Variants in CDYL observed in about 807,000 individuals in gnomAD.
The protein encoded by CDYL is chromodomain Y like.
Under a neutral mutation model 47.3 loss-of-function variants are expected in CDYL, and 8 were observed. That is an observed-to-expected ratio of 0.17 (90% confidence interval 0.10 to 0.31). CDYL has a LOEUF of 0.31. Among genes scored for constraint, CDYL ranks in the 10% least tolerant of loss-of-function variants. The pLI, the probability that CDYL is intolerant of heterozygous loss-of-function variation, is 1.00. For synonymous variants in CDYL, 266 were observed against 265.0 expected (o/e 1.00, Z -0.04); for missense variants, 471 against 701.4 (o/e 0.67, Z 3.71).
At chr6:4,894,855 G>GTGTA (rs1554105543) in intron 2 of CDYL, among the ~76,000 whole-genome samples, 15 of 91,482 alleles carry the variant, frequency 1.6e-4, no homozygotes, top group Non-Finnish European at 2.9e-4. Context: ...GTGTGTGTGT[G>GTGTA]TATATGTGTA....
intron 1 of CDYL, among the ~76,000 whole-genome samples, chr6:4,862,101 G>A (rs1029397087): frequency 6.6e-6 from 1 of 152,156 alleles, no homozygotes; most frequent in African/African-American, 2.4e-5. Flanking sequence ...TGCGGGTACT[G>A]TGCAGGTCTC....
At chr6:4,783,926 G>T (rs767126118) in intron 1 of CDYL, among the ~76,000 whole-genome samples, 12 of 152,142 alleles carry the variant, frequency 7.9e-5, no homozygotes, top group Non-Finnish European at 1.6e-4. Flanking sequence ...TGGCCAGTTT[G>T]TCTTCAAATA....
chr6:4,938,493 A>G (rs562967074), intron 4 of CDYL, among the ~76,000 whole-genome samples: 25 of 152,224 alleles, frequency 1.6e-4, no homozygotes, highest in Non-Finnish European at 2.6e-4. Flanking sequence ...TATAGTGTAC[A>G]ACATGGTGTA....
chr6:4,728,232 C>A (rs1757548141), intron 2 of CDYL, among the ~76,000 whole-genome samples: 1 of 152,212 alleles, frequency 6.6e-6, no homozygotes, highest in Non-Finnish European at 1.5e-5. Context: ...GGATGATTAG[C>A]CGTAGGCTGA....
At chr6:4,912,823 TC>T (rs1353540282) in intron 2 of CDYL, among the ~76,000 whole-genome samples, 2 of 152,222 alleles carry the variant, frequency 1.3e-5, no homozygotes, top group Non-Finnish European at 2.9e-5. Flanking sequence ...CTCCCCCTCT[TC>T]TTATGAAGCC....
At chr6:4,732,095 G>T (rs1757615443) in intron 2 of CDYL, among the ~76,000 whole-genome samples, 1 of 152,174 alleles carries the variant, frequency 6.6e-6, no homozygotes. Context: ...AGCACTCTGG[G>T]AGGCTGAGAC....
chr6:4,843,936 T>C (rs1473234124), intron 1 of CDYL, among the ~76,000 whole-genome samples: 17 of 152,300 alleles, frequency 1.1e-4, no homozygotes, highest in East Asian at 7.7e-4. Flanking sequence ...CTTTTCTGGT[T>C]CTTTCTCATT....
chr6:4,739,627 T>A (rs1367269123), intron 3 of CDYL, among the ~76,000 whole-genome samples: 2 of 151,928 alleles, frequency 1.3e-5, no homozygotes, highest in Non-Finnish European at 2.9e-5. Flanking sequence ...CATTAAATAT[T>A]TACAGATGTA....
At chr6:4,823,377 G>A (rs1265944929) in intron 1 of CDYL, among the ~76,000 whole-genome samples, 2 of 152,208 alleles carry the variant, frequency 1.3e-5, no homozygotes, top group Non-Finnish European at 2.9e-5. Context: ...TCACTGGTAA[G>A]AGTGCATGGA....
chr6:4,936,881 C>T (rs149726613), intron 3 of CDYL, among the ~76,000 whole-genome samples: 30 of 152,244 alleles, frequency 2.0e-4, no homozygotes, highest in East Asian at 1.7e-3. Context: ...ACTAAGATAA[C>T]GTAGATTCCC....
intron 1 of CDYL, among the ~76,000 whole-genome samples, chr6:4,832,124 T>C (rs376341709): frequency 6.6e-6 from 1 of 151,584 alleles, no homozygotes; most frequent in Non-Finnish European, 1.5e-5. Context: ...TGAATAGGAG[T>C]GGTGAGAGAG....
intron 2 of CDYL, among the ~76,000 whole-genome samples, chr6:4,895,831 C>A (rs965146525): frequency 2.0e-5 from 3 of 152,178 alleles, no homozygotes; most frequent in Non-Finnish European, 4.4e-5. Context: ...ATAATAGCTT[C>A]CATTTAAATG....
chr6:4,779,607 A>G (rs188017794), intron 1 of CDYL, among the ~76,000 whole-genome samples: 1 of 152,352 alleles, frequency 6.6e-6, no homozygotes, highest in African/African-American at 2.4e-5. Flanking sequence ...CAAAATTTGA[A>G]GAGTTACTAT....
intron 2 of CDYL, among the ~76,000 whole-genome samples, chr6:4,900,920 T>C (rs907333460): frequency 5.4e-5 from 8 of 148,670 alleles, no homozygotes; most frequent in Admixed American, 2.7e-4. Context: ...ACACTGATCT[T>C]CTCTGCATGT....
At chr6:4,785,355 G>T (rs1298210215) in intron 1 of CDYL, among the ~76,000 whole-genome samples, 3 of 152,202 alleles carry the variant, frequency 2.0e-5, no homozygotes, top group Admixed American at 1.3e-4. Context: ...TATATCTAGA[G>T]AATGTCTTTT....
At chr6:4,952,150 T>A in intron 5 of CDYL, 116 bp from the exon 6 acceptor site, 1 of 1,239,202 alleles carries the variant, frequency 8.1e-7, no homozygotes, top group Admixed American at 2.5e-5. Context: ...TGTGCCCCAT[T>A]TCCCTGCGGG....
intron 1 of CDYL, among the ~76,000 whole-genome samples, chr6:4,810,268 A>C (rs1759492536): frequency 6.6e-6 from 1 of 152,174 alleles, no homozygotes; most frequent in Non-Finnish European, 1.5e-5. Flanking sequence ...ATTTCAGTTC[A>C]GGCATCAGTT....
At chr6:4,914,374 C>T (rs577874439) in intron 2 of CDYL, among the ~76,000 whole-genome samples, 2 of 152,264 alleles carry the variant, frequency 1.3e-5, no homozygotes, top group African/African-American at 4.8e-5. Context: ...CCTGCTTCAC[C>T]TCCACACTTT....
chr6:4,823,818 TTTTA>T (rs1181058987), intron 1 of CDYL, among the ~76,000 whole-genome samples: 3 of 152,250 alleles, frequency 2.0e-5, no homozygotes, highest in Non-Finnish European at 2.9e-5. Context: ...TGTATTTGTA[TTTTA>T]TTTGTCTCTC....
Sources: allele counts gnomAD v4.1 joint callset (sites outside exome capture counted in the v4.1 genomes callset), GRCh38; gene constraint gnomAD v4.1.1; transcripts MANE v1.5; gene names NCBI Gene and HGNC (gene_info 2026-07-23, HGNC 2026-07-21).